Variants in MAN1C1 observed in about 807,000 individuals in gnomAD.
MAN1C1 encodes mannosyl-oligosaccharide 1,2-alpha-mannosidase IC.
MAN1C1 carries 49 observed loss-of-function variants against 71.5 expected under a neutral mutation model. That is an observed-to-expected ratio of 0.69 (90% CI 0.54 to 0.87). MAN1C1 has a LOEUF of 0.87. MAN1C1 is among the 40% of genes least tolerant of loss of function. MAN1C1 has a pLI of 0.00. For synonymous variants in MAN1C1, 352 were observed against 343.7 expected (o/e 1.02, Z -0.27); for missense variants, 743 against 835.0 (o/e 0.89, Z 1.36).
intron 2 of MAN1C1, among the ~76,000 whole-genome samples, chr1:25,713,859 G>A (rs1274846907): frequency 6.6e-6 from 1 of 152,160 alleles, no homozygotes; most frequent in Non-Finnish European, 1.5e-5. Flanking sequence ...TTGCTGCCGG[G>A]AACCAAGGCT....
rs1398286736 is a variant in MAN1C1, at chr1:25,753,851, T to G, written c.929+273T>G. Among the ~76,000 whole-genome samples the G allele has an allele frequency of 6.6e-6, 1 of 152,174 alleles. No individual in the cohort carries two copies. The highest frequency in any genetic ancestry group is 1.5e-5 in the Non-Finnish European group (1 of 68,018). On this transcript the variant is annotated intron_variant, in intron 5 of 11. Transcript: ENST00000374332. This position sits in a 1 kb window ranked among gnomAD's most constrained non-coding sequence, Gnocchi z 4.9. ...CTGGACAGGTGTTTGTCACCAAACC[T>G]GGGTGTCAGGGTTTAGTCCACATAA...
chr1:25,639,481 T>C (rs752301412), intron 1 of MAN1C1, among the ~76,000 whole-genome samples: 1 of 152,196 alleles, frequency 6.6e-6, no homozygotes, highest in Non-Finnish European at 1.5e-5. Flanking sequence ...TGAAACAGTT[T>C]TTCTCCCCTC....
In MAN1C1 at chr1:25,617,505, G is replaced by C. The variant is rs1446802453; in HGVS notation, c.-293G>C. The C allele has an allele frequency of 1.4e-5, 2 of 146,650 alleles. No homozygotes were observed. Among genetic ancestry groups the C allele is most frequent in the Non-Finnish European group, 3.0e-5 (2 of 65,972 alleles). 9.1% of individuals were successfully genotyped at this position (146,650 alleles called of 1,614,324 possible). A position where few individuals can be genotyped will look rare whatever the true frequency, so the allele number is the denominator to read the frequency against. On this transcript the variant is annotated 5_prime_UTR_variant, in exon 1 of 12. Coordinates refer to ENST00000374332, the MANE Select transcript of MAN1C1 (RefSeq NM_020379.4). The surrounding 1 kb of genome is among the most constrained non-coding windows in gnomAD (Gnocchi z 5.1). ...CCGGCGCGGCGGGGAGGGCTCGGCC[G>C]GAGGGGAGGCTGCGGCGCGCGGCCG... is the stretch of plus-strand genomic sequence containing the variant.
intron 1 of MAN1C1, among the ~76,000 whole-genome samples, chr1:25,675,245 C>T (rs963990135): frequency 6.6e-5 from 10 of 152,132 alleles, no homozygotes; most frequent in African/African-American, 2.4e-4. Context: ...CAGTCTTTCC[C>T]CCAACTCTGA....
At chr1:25,656,232 G>A (rs2045765022) in intron 1 of MAN1C1, among the ~76,000 whole-genome samples, 1 of 150,530 alleles carries the variant, frequency 6.6e-6, no homozygotes, top group African/African-American at 2.5e-5. Flanking sequence ...CAAGTAGCTG[G>A]GACTACAGGC....
chr1:25,655,428 C>G (rs2045750743), intron 1 of MAN1C1, among the ~76,000 whole-genome samples: 1 of 152,188 alleles, frequency 6.6e-6, no homozygotes, highest in Non-Finnish European at 1.5e-5. Context: ...CAGATGCTCT[C>G]AAAATACCAA....
intron 2 of MAN1C1, among the ~76,000 whole-genome samples, chr1:25,697,094 C>T (rs989510181): frequency 5.9e-5 from 9 of 152,108 alleles, no homozygotes; most frequent in Middle Eastern, 6.8e-3. Flanking sequence ...TTTTTCTTTC[C>T]GTTCTGTTCC....
chr1:25,716,047 A>G (rs1233800258), intron 2 of MAN1C1, among the ~76,000 whole-genome samples: 1 of 152,188 alleles, frequency 6.6e-6, no homozygotes, highest in African/African-American at 2.4e-5. Context: ...AGGGAAAAAG[A>G]GGAAGAGTAG....
At chr1:25,678,505 T>C (rs2046100548) in intron 1 of MAN1C1, among the ~76,000 whole-genome samples, 1 of 152,228 alleles carries the variant, frequency 6.6e-6, no homozygotes, top group Admixed American at 6.5e-5. Context: ...TGCACAGTGG[T>C]GGGCAAAACA....
chr1:25,693,165 G>C (rs1402053238), intron 2 of MAN1C1, among the ~76,000 whole-genome samples: 1 of 152,160 alleles, frequency 6.6e-6, no homozygotes, highest in African/African-American at 2.4e-5. Flanking sequence ...ACATAAGCTA[G>C]AGAAAATTAA....
chr1:25,677,791 ATGT>A (rs1051623394), intron 1 of MAN1C1, among the ~76,000 whole-genome samples: 4 of 134,630 alleles, frequency 3.0e-5, no homozygotes, highest in Non-Finnish European at 6.2e-5. Context: ...CTTCTGTTTG[ATGT>A]TGTTTCTCTT....
At chr1:25,664,052 CAGAAGGGGGATGATCAGGGACT>C (rs1287821617) in intron 1 of MAN1C1, among the ~76,000 whole-genome samples, 1 of 152,134 alleles carries the variant, frequency 6.6e-6, no homozygotes, top group Non-Finnish European at 1.5e-5. Context: ...TAAGCCTCCC[CAGAAGGGGGATGATCAGGGACT>C]AGGCTGCATT....
At position 25,760,878 on chromosome 1, in the gene MAN1C1, C is replaced by T. The variant is rs41284276; in HGVS notation, c.1047+2169C>T. On this transcript the variant is annotated intron_variant, in intron 6 of 11. Transcript: ENST00000374332. ...ATAGATAAAGCCCTCTTGAATTCCA[C>T]TTCTCACCTTCATAGCCCCAAAGGT... 8.3e-3 allele frequency: 1,261 copies of T among 152,386 alleles called. 12 individuals are homozygous for T. The highest frequency in any genetic ancestry group is 0.021 in the South Asian group (102 of 4,832). 9.4% of individuals were successfully genotyped at this position (152,386 alleles called of 1,614,324 possible).
rs1055168788 is a variant in MAN1C1, at chr1:25,616,887, G to T, written c.-911G>T. ...GGCGCAGGCTCGGCGGCAGCGGCCG[G>T]TCTGGAGCGGCCGCTGCGAGGAAGA... On this transcript the variant is annotated 5_prime_UTR_variant, in exon 1 of 12. Coordinates refer to ENST00000374332, the MANE Select transcript of MAN1C1 (RefSeq NM_020379.4). This position sits in a 1 kb window ranked among gnomAD's most constrained non-coding sequence, Gnocchi z 5.6. Among the ~76,000 whole-genome samples, 1 of 148,734 alleles carries T rather than the reference G, an allele frequency of 6.7e-6. No homozygotes were observed. The highest frequency in any genetic ancestry group is 2.1e-4 in the South Asian group (1 of 4,796).
At chr1:25,668,426 A>C (rs1174409097) in intron 1 of MAN1C1, among the ~76,000 whole-genome samples, 6 of 152,174 alleles carry the variant, frequency 3.9e-5, no homozygotes, top group Non-Finnish European at 7.4e-5. Context: ...CATGGGGTAC[A>C]TAGTAGATGC....
At chr1:25,771,848 G>A (rs897949786) in intron 8 of MAN1C1, 76 bp downstream of exon 8, 2 of 1,147,812 alleles carry the variant, frequency 1.7e-6, no homozygotes, top group African/African-American at 1.5e-5. Flanking sequence ...CGAGGGTGCT[G>A]CGGGCAGCGG....
At chr1:25,689,921 C>T (rs1233475634) in intron 2 of MAN1C1, among the ~76,000 whole-genome samples, 1 of 152,110 alleles carries the variant, frequency 6.6e-6, no homozygotes, top group Non-Finnish European at 1.5e-5. Flanking sequence ...GGGCTGTGTG[C>T]GGGGAAGGGT....
At chr1:25,647,515 C>T (rs1238102341) in intron 1 of MAN1C1, among the ~76,000 whole-genome samples, 1 of 152,050 alleles carries the variant, frequency 6.6e-6, no homozygotes, top group Non-Finnish European at 1.5e-5. Flanking sequence ...GGAGGTACCT[C>T]GTCTTAACTC....
chr1:25,750,610 G>T (rs1416728023), intron 4 of MAN1C1, among the ~76,000 whole-genome samples: 3 of 152,192 alleles, frequency 2.0e-5, no homozygotes, highest in African/African-American at 7.2e-5. Context: ...CAACAGGCGG[G>T]CACCTTATCT....
Sources: allele counts gnomAD v4.1 joint callset (sites outside exome capture counted in the v4.1 genomes callset), GRCh38; gene constraint gnomAD v4.1.1; non-coding constraint Gnocchi (gnomAD v3.1); transcripts MANE v1.5; gene names NCBI Gene and HGNC (gene_info 2026-07-23, HGNC 2026-07-21).